Variants in KCNU1 observed in about 807,000 individuals in gnomAD.
The protein encoded by KCNU1 is potassium calcium-activated channel subfamily U member 1.
A neutral mutation model predicts 126.8 loss-of-function variants in KCNU1; 93 were observed. The observed-to-expected ratio is 0.73, with a 90% confidence interval of 0.62 to 0.87. The LOEUF is 0.87. Ranked by LOEUF, KCNU1 falls within the 40% of genes least tolerant of loss-of-function variation. The pLI, the probability that KCNU1 is intolerant of heterozygous loss-of-function variation, is 0.00. For missense variants in KCNU1, 1,330 were observed against 1,367.1 expected (o/e 0.97, Z 0.43); for synonymous variants, 523 against 494.2 (o/e 1.06, Z -0.77).
chr8:36,926,231 G>T (rs1808527142), intron 24 of KCNU1, among the ~76,000 whole-genome samples: 1 of 152,098 alleles, frequency 6.6e-6, no homozygotes. Flanking sequence ...TAACAAGTTG[G>T]TTTTCAGATC....
intron 22 of KCNU1, among the ~76,000 whole-genome samples, chr8:36,918,111 T>C (rs1808190264): frequency 6.6e-6 from 1 of 152,204 alleles, no homozygotes. Flanking sequence ...ATTGATGTGG[T>C]TTGAGCTACT....
In KCNU1 at chr8:36,817,773, G is replaced by A. The variant is rs1803976014; in HGVS notation, c.1106+13G>A. ...TTTTCCTGGGAGAGTAAGTATATCT[G>A]TATGGCTCATGGGTTCTAAATTAAT... On this transcript the variant is annotated intron_variant, in intron 10 of 26. Transcript: ENST00000399881. 2 of 1,309,580 alleles carry A rather than the reference G, an allele frequency of 1.5e-6. No individual in the cohort carries two copies. 81.1% of individuals were successfully genotyped at this position (1,309,580 alleles called of 1,614,324 possible).
chr8:36,831,663 T>A lies in KCNU1; in HGVS notation c.1107-1891T>A, dbSNP rs199873946. Among the ~76,000 whole-genome samples, 5 of 148,618 alleles carry A rather than the reference T, an allele frequency of 3.4e-5. No individual in the cohort carries two copies. The East Asian group carries it at 9.8e-4, about 29-fold the overall frequency. On this transcript the variant is annotated intron_variant, in intron 10 of 26. Coordinates refer to ENST00000399881, the MANE Select transcript of KCNU1 (RefSeq NM_001031836.3). ...CATTGTAGATTCTGGATATTAGCCCTTTGTCAGATGAGTAGGTTGTGAAAA... is the reference window on the plus strand; with the variant it reads ...CATTGTAGATTCTGGATATTAGCCCATTGTCAGATGAGTAGGTTGTGAAAA...
At chr8:36,794,077 A>C (rs1249288429) in intron 2 of KCNU1, among the ~76,000 whole-genome samples, 1 of 143,904 alleles carries the variant, frequency 6.9e-6, no homozygotes, top group Non-Finnish European at 1.5e-5. Context: ...AAAAAAAAAA[A>C]GGTCTATATG....
intron 2 of KCNU1, among the ~76,000 whole-genome samples, chr8:36,797,241 T>A (rs1803134403): frequency 6.6e-6 from 1 of 152,216 alleles, no homozygotes; most frequent in Admixed American, 6.5e-5. Flanking sequence ...AATTCTATCA[T>A]AATACATGTA....
chr8:36,864,577 A>G, intron 19 of KCNU1, 56 bp downstream of exon 19: 1 of 948,662 alleles, frequency 1.1e-6, no homozygotes, highest in South Asian at 1.3e-5. Context: ...TCAGTGGGCC[A>G]TATATATTGT....
At chr8:36,832,532 C>A (rs1418035513) in intron 10 of KCNU1, among the ~76,000 whole-genome samples, 3 of 152,010 alleles carry the variant, frequency 2.0e-5, no homozygotes, top group African/African-American at 7.2e-5. Flanking sequence ...TATTTGCTGT[C>A]TACTTTTGTT....
chr8:36,879,201 G>GTATATATA (rs1156290064), intron 19 of KCNU1, among the ~76,000 whole-genome samples: 2 of 61,376 alleles, frequency 3.3e-5, no homozygotes, highest in African/African-American at 1.1e-4. Flanking sequence ...ATGTGTGTGT[G>GTATATATA]TGTGTGTGTG....
chr8:36,889,382 C>T (rs1345749989), intron 19 of KCNU1: 5 of 397,846 alleles, frequency 1.3e-5, no homozygotes, highest in East Asian at 6.9e-5. Flanking sequence ...AACACAACAC[C>T]AGAGATTAAG....
chr8:36,881,755 T>C (rs1806487086), intron 19 of KCNU1, among the ~76,000 whole-genome samples: 1 of 150,308 alleles, frequency 6.7e-6, no homozygotes, highest in Non-Finnish European at 1.5e-5. Context: ...ATAAAAATAT[T>C]TTTTCCTGCC....
At chr8:36,803,029 G>A (rs1312721183) in intron 2 of KCNU1, among the ~76,000 whole-genome samples, 1 of 152,132 alleles carries the variant, frequency 6.6e-6, no homozygotes, top group Non-Finnish European at 1.5e-5. Context: ...CGCAGGGTGT[G>A]AGCATCATGA....
chr8:36,853,935 A>T, intron 18 of KCNU1, among the ~76,000 whole-genome samples: 1 of 152,198 alleles, frequency 6.6e-6, no homozygotes, highest in Non-Finnish European at 1.5e-5. Flanking sequence ...AGTTCTTGTT[A>T]ATCTTAAAAA....
At chr8:36,863,593 A>T (rs886223617) in intron 18 of KCNU1, among the ~76,000 whole-genome samples, 2 of 152,198 alleles carry the variant, frequency 1.3e-5, no homozygotes, top group African/African-American at 2.4e-5. Flanking sequence ...TCACAACAGC[A>T]AGTGCAAATT....
intron 26 of KCNU1, among the ~76,000 whole-genome samples, chr8:36,933,473 T>C (rs1000543103): frequency 6.6e-6 from 1 of 152,088 alleles, no homozygotes; most frequent in Non-Finnish European, 1.5e-5. Context: ...ATATAAATCA[T>C]GGGGGTGATA....
chr8:36,880,317 A>G (rs1806429924), intron 19 of KCNU1, among the ~76,000 whole-genome samples: 2 of 152,202 alleles, frequency 1.3e-5, no homozygotes, highest in Non-Finnish European at 2.9e-5. Context: ...AAATGTCTGA[A>G]AGATGACTTA....
chr8:36,925,679 G>T (rs1252638179), intron 24 of KCNU1, among the ~76,000 whole-genome samples: 2 of 152,094 alleles, frequency 1.3e-5, no homozygotes, highest in Non-Finnish European at 2.9e-5. Flanking sequence ...TTATTCCGGG[G>T]ACCATTTGAT....
At chr8:36,793,294 G>GTA in intron 2 of KCNU1, among the ~76,000 whole-genome samples, 2 of 151,962 alleles carry the variant, frequency 1.3e-5, no homozygotes, top group East Asian at 3.9e-4. Context: ...CGTGGCACAT[G>GTA]TATATATATG....
At chr8:36,868,055 GAGAGCCACGCTTC>G (rs1251146641) in intron 19 of KCNU1, among the ~76,000 whole-genome samples, 1 of 152,122 alleles carries the variant, frequency 6.6e-6, no homozygotes, top group Non-Finnish European at 1.5e-5. Flanking sequence ...AGAAATAAAC[GAGAGCCACGCTTC>G]AGAGTTTTTT....
chr8:36,877,079 C>A (rs186858400), intron 19 of KCNU1, among the ~76,000 whole-genome samples: 1 of 152,284 alleles, frequency 6.6e-6, no homozygotes, highest in African/African-American at 2.4e-5. Context: ...CTGTTACCTG[C>A]ACTTAGAAGC....
Sources: gnomAD v4.1 joint callset for allele counts (sites outside exome capture counted in the v4.1 genomes callset) on GRCh38, gnomAD v4.1.1 for gene constraint, MANE v1.5 for transcripts, NCBI Gene and HGNC (gene_info 2026-07-23, HGNC 2026-07-21) for gene names.